Variants in EML5 observed in about 807,000 individuals in gnomAD.
The protein encoded by EML5 is EMAP like 5.
EML5 carries 120 observed loss-of-function variants against 250.0 expected under a neutral mutation model. The ratio of observed to expected loss-of-function variants is 0.48; its 90% confidence interval spans 0.41 to 0.56. EML5 has a LOEUF of 0.56. Ranked by LOEUF, EML5 falls within the 20% of genes least tolerant of loss-of-function variation. The probability of loss-of-function intolerance (pLI) is 0.00; values close to 1 mark genes in which losing one functional copy is unlikely to be tolerated. For synonymous variants in EML5, 771 were observed against 806.5 expected (o/e 0.96, Z 0.75); for missense variants, 2,006 against 2,437.6 (o/e 0.82, Z 3.73).
At position 88,712,423 on chromosome 14, in the gene EML5, C is replaced by T; in HGVS notation, c.1505G>A (p.Cys502Tyr). Residue 502 changes from cysteine to tyrosine, a missense_variant, in exon 10 of 44, where the codon TGT becomes TAT. Physicochemically the swap from Cys to Tyr is radical, Grantham distance 194. Transcript: ENST00000554922. ...TCCATTTACTTCAAGGCCTGAAACA[C>T]ATGTCCATGAAGCCCAATGAACACC... ...IKGVHWASWT[C>Y]VSGLEVNGIW... 6.2e-7 allele frequency: 1 copy of T among 1,613,620 alleles called. No homozygotes were observed. Among genetic ancestry groups the T allele is most frequent in the South Asian group, 1.1e-5 (1 of 91,064 alleles).
Position 88,712,288 on chromosome 14 carries a change from T to C in EML5, c.1640A>G (p.Tyr547Cys), listed in dbSNP as rs2093421043. The change falls in exon 10 of 44, where the codon TAT becomes TGT. Residue 547 changes from tyrosine to cysteine, a missense_variant. Physicochemically the swap from Tyr to Cys is radical, Grantham distance 194. Transcript: ENST00000554922. ...DDYGIIKLFR[Y>C]PCLRKGAKFR... ...AAAGGTACCTTTTCTTAAACATGGA[T>C]ATCGGAATAATTTTATAATTCCATA... The C allele has an allele frequency of 1.2e-6, 2 of 1,609,024 alleles. No homozygotes were observed. Among genetic ancestry groups the C allele is most frequent in the Non-Finnish European group, 1.7e-6 (2 of 1,177,002 alleles).
At chr14:88,671,967 C>T (rs2092473926) in intron 21 of EML5, among the ~76,000 whole-genome samples, 1 of 152,132 alleles carries the variant, frequency 6.6e-6, no homozygotes, top group East Asian at 1.9e-4. Flanking sequence ...GAGACTTTAA[C>T]ACCCTACTGT....
intron 13 of EML5, 41 bp downstream of exon 13, chr14:88,704,819 C>A: frequency 6.6e-7 from 1 of 1,520,482 alleles, no homozygotes; most frequent in Non-Finnish European, 9.1e-7. Context: ...TAAGTGTGAA[C>A]CAAAATTCAA....
At chr14:88,689,392 G>T (rs1302876437) in intron 17 of EML5, among the ~76,000 whole-genome samples, 1 of 152,198 alleles carries the variant, frequency 6.6e-6, no homozygotes, top group Admixed American at 6.5e-5. Context: ...AACAGTTTGT[G>T]TTGTCACACT....
At chr14:88,616,615 G>T in intron 42 of EML5, 111 bp downstream of exon 42, 1 of 1,149,528 alleles carries the variant, frequency 8.7e-7, no homozygotes, top group Non-Finnish European at 1.2e-6. Flanking sequence ...AAAGTTTGGG[G>T]AAAAATTTAG....
rs1305484741 is a variant in EML5 at position 88,740,519 on chromosome 14, C to T, written c.579G>A (p.Lys193=). ...ALTPKRGVFG[K]TGDLQTILCL... ...ACAGTATTGTCTGAAGGTCACCCGT[C>T]TTACCAAAGACACCTCGTTTTGGGG... Residue 193 remains lysine, a synonymous_variant, in exon 5 of 44, where the codon AAG becomes AAA. Coordinates refer to ENST00000554922, the MANE Select transcript of EML5 (RefSeq NM_183387.3). 6.2e-7 allele frequency: 1 copy of T among 1,613,652 alleles called. No homozygotes were observed. The highest frequency in any genetic ancestry group is 1.7e-4 in the Middle Eastern group (1 of 6,058).
chr14:88,624,066 ATTTT>A (rs1008731884), intron 36 of EML5: 1 of 150,772 alleles, frequency 6.6e-6, no homozygotes, highest in African/African-American at 2.4e-5. Flanking sequence ...TATATGTCAC[ATTTT>A]TTTTTGTTTT....
At chr14:88,672,733 A>G (rs1033184565) in intron 21 of EML5, among the ~76,000 whole-genome samples, 4 of 152,196 alleles carry the variant, frequency 2.6e-5, no homozygotes, top group African/African-American at 9.6e-5. Context: ...AGAAATACAA[A>G]CAACCATCAG....
intron 3 of EML5, 76 bp from the exon 4 acceptor site, chr14:88,744,167 G>A: frequency 3.2e-6 from 3 of 929,156 alleles, no homozygotes; most frequent in Non-Finnish European, 1.6e-6. Flanking sequence ...AAGACCAAAT[G>A]GCCCAAACTC....
intron 22 of EML5, 62 bp downstream of exon 22, chr14:88,665,275 T>C: frequency 6.8e-7 from 1 of 1,480,886 alleles, no homozygotes; most frequent in South Asian, 1.3e-5. Flanking sequence ...AATTATACAT[T>C]GATACATTTA....
intron 23 of EML5, 58 bp downstream of exon 23, chr14:88,664,435 A>G: frequency 2.1e-6 from 3 of 1,424,848 alleles, no homozygotes; most frequent in Non-Finnish European, 2.8e-6. Flanking sequence ...TTTCTCTAAT[A>G]TAGCTATACT....
chr14:88,783,145 T>C (rs541380807), intron 1 of EML5, among the ~76,000 whole-genome samples: 5 of 152,098 alleles, frequency 3.3e-5, no homozygotes, highest in South Asian at 2.1e-4. Flanking sequence ...GGTAGAGGTA[T>C]GTTGCAGGGG....
chr14:88,616,336 GGA>G, intron 42 of EML5, 94 bp from the exon 43 acceptor site: 1 of 1,226,144 alleles, frequency 8.2e-7, no homozygotes, highest in South Asian at 1.3e-5. Flanking sequence ...CAAGAGCTGT[GGA>G]GAGAGTAGGG....
chr14:88,655,232 A>G (rs1306407969), intron 27 of EML5, among the ~76,000 whole-genome samples: 1 of 152,184 alleles, frequency 6.6e-6, no homozygotes, highest in Non-Finnish European at 1.5e-5. Flanking sequence ...AAACTATACT[A>G]CAATGCTACA....
intron 14 of EML5, among the ~76,000 whole-genome samples, chr14:88,701,487 T>C (rs930206565): frequency 1.3e-5 from 2 of 152,054 alleles, no homozygotes; most frequent in African/African-American, 4.8e-5. Flanking sequence ...GTACATAGAA[T>C]GTGCTTGATG....
chr14:88,790,133 T>C (rs929203748), intron 1 of EML5, among the ~76,000 whole-genome samples: 7 of 152,358 alleles, frequency 4.6e-5, no homozygotes, highest in Admixed American at 1.3e-4. Flanking sequence ...GAATGATCTG[T>C]CATTACTATT....
At chr14:88,663,007 C>A (rs2092177014) in intron 24 of EML5, 24 bp downstream of exon 24, 1 of 1,518,862 alleles carries the variant, frequency 6.6e-7, no homozygotes, top group Non-Finnish European at 8.9e-7. Context: ...ATGAACAACA[C>A]TGCAAGCACC....
At chr14:88,718,809 G>C (rs1450058929) in intron 8 of EML5, among the ~76,000 whole-genome samples, 1 of 152,152 alleles carries the variant, frequency 6.6e-6, no homozygotes, top group Non-Finnish European at 1.5e-5. Context: ...GGGACACATT[G>C]AGCATGTTCT....
chr14:88,662,170 T>A (rs1251211346), intron 24 of EML5, among the ~76,000 whole-genome samples: 2 of 152,024 alleles, frequency 1.3e-5, no homozygotes, highest in Non-Finnish European at 2.9e-5. Context: ...TAATGCATTA[T>A]GTTTTCCAAC....
Sources: allele counts gnomAD v4.1 joint callset (sites outside exome capture counted in the v4.1 genomes callset), GRCh38; gene constraint gnomAD v4.1.1; transcripts MANE v1.5; gene names NCBI Gene and HGNC (gene_info 2026-07-23, HGNC 2026-07-21).